CACNA1E: variants seen among roughly 807,000 people sequenced by gnomAD.
The protein encoded by CACNA1E is calcium voltage-gated channel subunit alpha1 E.
In CACNA1E, 40 loss-of-function variants were observed where a neutral mutation model predicts 259.2. The ratio of observed to expected loss-of-function variants is 0.15; its 90% CI spans 0.12 to 0.20. CACNA1E has a LOEUF of 0.20. CACNA1E is among the 10% of genes least tolerant of loss of function. CACNA1E has a pLI of 1.00. For missense variants in CACNA1E, 1,874 were observed against 3,040.1 expected (o/e 0.62, Z 9.02); for synonymous variants, 1,104 against 1,138.5 (o/e 0.97, Z 0.61).
At chr1:181,795,731 C>T (rs1661736841) in intron 46 of CACNA1E, among the ~76,000 whole-genome samples, 1 of 141,732 alleles carries the variant, frequency 7.1e-6, no homozygotes, top group South Asian at 2.4e-4. Flanking sequence ...TGAGCCGCTG[C>T]ACCTGGCCTG....
chr1:181,410,313 C>G (rs1279164840), intron 1 of CACNA1E, among the ~76,000 whole-genome samples: 1 of 152,256 alleles, frequency 6.6e-6, no homozygotes, highest in Non-Finnish European at 1.5e-5. Flanking sequence ...TTACCAAGCT[C>G]ATTCTGGACT....
At chr1:181,606,841 G>A (rs1193164366) in intron 6 of CACNA1E, among the ~76,000 whole-genome samples, 2 of 152,096 alleles carry the variant, frequency 1.3e-5, no homozygotes, top group African/African-American at 2.4e-5. Context: ...TTCCTTCGGC[G>A]GCCCCTCCCA....
chr1:181,643,212 C>T (rs1657959958), intron 6 of CACNA1E, among the ~76,000 whole-genome samples: 1 of 152,152 alleles, frequency 6.6e-6, no homozygotes, highest in Non-Finnish European at 1.5e-5. Flanking sequence ...CCCACATCAG[C>T]CCCAGCAGTT....
At chr1:181,784,429 G>A (rs1277725092) in intron 40 of CACNA1E, among the ~76,000 whole-genome samples, 1 of 152,158 alleles carries the variant, frequency 6.6e-6, no homozygotes, top group African/African-American at 2.4e-5. Flanking sequence ...CTTAGTCTGA[G>A]GGCCTCAGAT....
intron 25 of CACNA1E, 60 bp downstream of exon 25, chr1:181,739,313 G>T (rs1206509301): frequency 1.8e-6 from 2 of 1,122,810 alleles, no homozygotes; most frequent in Non-Finnish European, 1.4e-6. Flanking sequence ...GACTCCAGTT[G>T]ATTTGAAGCC....
At chr1:181,563,221 C>T (rs886100727) in intron 3 of CACNA1E, among the ~76,000 whole-genome samples, 3 of 152,130 alleles carry the variant, frequency 2.0e-5, no homozygotes, top group Admixed American at 6.6e-5. Flanking sequence ...CTTTTAAATA[C>T]TTGTCATCCT....
At chr1:181,462,081 A>G (rs1424616680) in intron 2 of CACNA1E, among the ~76,000 whole-genome samples, 1 of 152,230 alleles carries the variant, frequency 6.6e-6, no homozygotes, top group African/African-American at 2.4e-5. Context: ...ATATAGTTTT[A>G]CCATGTGATT....
chr1:181,594,654 T>C (rs576264276), intron 6 of CACNA1E, among the ~76,000 whole-genome samples: 1 of 152,320 alleles, frequency 6.6e-6, no homozygotes, highest in East Asian at 1.9e-4. Flanking sequence ...TGCCATGGCC[T>C]CCCAAAGTGC....
Position 181,798,362 on chromosome 1 carries a change from G to C in CACNA1E, c.6470G>C (p.Arg2157Pro). ...SDTSTPRRSR[R>P]QLPPVPPKPR... ...ACCAGCACCCCAAGAAGAAGTCGTC[G>C]GCAGCTCCCACCCGTCCCGCCAAAG... The change falls in exon 48 of 48, where the codon CGG (arginine) becomes CCG (proline). Residue 2157 changes from arginine to proline, a missense_variant. Physicochemically the swap from Arg to Pro is moderately radical, Grantham distance 103 (BLOSUM62 -2). Coordinates refer to ENST00000367573, the MANE Select transcript of CACNA1E (RefSeq NM_001205293.3). The surrounding 1 kb of genome is among the most constrained non-coding windows in gnomAD (Gnocchi z 4.2). The C allele has an allele frequency of 6.2e-7, 1 of 1,611,756 alleles. No individual in the cohort carries two copies. Among genetic ancestry groups the C allele is most frequent in the South Asian group, 1.1e-5 (1 of 91,046 alleles).
At chr1:181,604,938 G>A (rs1051180102) in intron 6 of CACNA1E, among the ~76,000 whole-genome samples, 2 of 152,112 alleles carry the variant, frequency 1.3e-5, no homozygotes, top group African/African-American at 4.8e-5. Flanking sequence ...TCCCAGTGTG[G>A]GAGACATGAG....
intron 1 of CACNA1E, among the ~76,000 whole-genome samples, chr1:181,382,258 G>T (rs1201291843): frequency 6.6e-6 from 1 of 152,212 alleles, no homozygotes; most frequent in African/African-American, 2.4e-5. Context: ...CAGGAGGGCA[G>T]TGTGGCTAGA....
At chr1:181,771,169 A>G in intron 35 of CACNA1E, 124 bp from the exon 36 acceptor site, 1 of 622,648 alleles carries the variant, frequency 1.6e-6, no homozygotes, top group South Asian at 2.0e-5. Context: ...TCTGGGTCTG[A>G]GTTGTCTGCT....
chr1:181,545,395 C>T (rs751464321), intron 3 of CACNA1E, among the ~76,000 whole-genome samples: 2 of 152,170 alleles, frequency 1.3e-5, no homozygotes, highest in Non-Finnish European at 2.9e-5. Flanking sequence ...AGATGTTCGT[C>T]CATTCCAGGG....
rs116073730 is a variant in CACNA1E, at chr1:181,320,319, C to G, written c.-15+2196C>G. Among the ~76,000 whole-genome samples, 1,137 of 152,272 alleles carry G rather than the reference C, an allele frequency of 7.5e-3. 16 individuals carry two copies. The highest frequency in any genetic ancestry group is 0.026 in the African/African-American group (1,082 of 41,544). On this transcript the variant is annotated intron_variant, in intron 1 of 11. Transcript: ENST00000524607. ...GTGGAGAAATGTCTGTTTTTTACTT[C>G]CTTGCTTGTGTGAGGGAGTGATGAG...
intron 3 of CACNA1E, among the ~76,000 whole-genome samples, chr1:181,561,954 A>G (rs1249348108): frequency 6.6e-6 from 1 of 152,086 alleles, no homozygotes; most frequent in Non-Finnish European, 1.5e-5. Context: ...GTGTGTAGTA[A>G]TAACTATTGT....
rs182787921 is a variant in CACNA1E, at chr1:181,646,063, T to C, written c.952-5275T>C. On this transcript the variant is annotated intron_variant, in intron 6 of 47. Coordinates refer to ENST00000367573, the MANE Select transcript of CACNA1E (RefSeq NM_001205293.3). ...CCACTCACTGCTCTGTGAATTTTCC[T>C]TTCCCTAGGAGTGGTCAGCAGAGGC... 3.9e-5 allele frequency among the ~76,000 whole-genome samples: 6 copies of C among 152,310 alleles called. No individual in the cohort carries two copies. The East Asian group carries it at 1.2e-3, about 29-fold the overall frequency.
chr1:181,325,259 G>T (rs1010820320), intron 1 of CACNA1E, among the ~76,000 whole-genome samples: 7 of 152,188 alleles, frequency 4.6e-5, no homozygotes, highest in African/African-American at 1.7e-4. Flanking sequence ...GGAGAAGGCT[G>T]TGTGTGTGTC....
intron 2 of CACNA1E, among the ~76,000 whole-genome samples, chr1:181,448,182 T>G (rs1660916411): frequency 6.6e-6 from 1 of 152,222 alleles, no homozygotes; most frequent in South Asian, 2.1e-4. Flanking sequence ...TATGATTTCT[T>G]CATTAAACAC....
In CACNA1E at chr1:181,641,961, C is replaced by T. The variant is rs554033619; in HGVS notation, c.952-9377C>T. On this transcript the variant is annotated intron_variant, in intron 6 of 47. Transcript: ENST00000367573. ...ACTCCTGACCTTGTGATCCGCTTGCCTCTGCTTCCCAAAGTGCTGGGATTA... is the reference window on the plus strand; with the variant it reads ...ACTCCTGACCTTGTGATCCGCTTGCTTCTGCTTCCCAAAGTGCTGGGATTA... 1.1e-4 allele frequency among the ~76,000 whole-genome samples: 16 copies of T among 152,214 alleles called. 1 individual carries two copies. The South Asian group carries it at 3.3e-3, about 32-fold the overall frequency.
Sources: allele counts gnomAD v4.1 joint callset (sites outside exome capture counted in the v4.1 genomes callset), GRCh38; gene constraint gnomAD v4.1.1; non-coding constraint Gnocchi (gnomAD v3.1); transcripts MANE v1.5; gene names NCBI Gene and HGNC (gene_info 2026-07-23, HGNC 2026-07-21).